EYS: variants seen among roughly 807,000 people sequenced by gnomAD.
The protein encoded by EYS is protein eyes shut homolog.
In EYS, 250 loss-of-function variants were observed where a neutral mutation model predicts 282.1. The ratio of observed to expected loss-of-function variants is 0.89; its 90% CI spans 0.80 to 0.98. The LOEUF (loss-of-function observed/expected upper bound fraction) is 0.98, where lower values mean the gene tolerates loss of function less well. EYS is among the 50% of genes least tolerant of loss of function. EYS has a pLI of 0.00. For synonymous variants in EYS, 1,355 were observed against 1,282.9 expected (o/e 1.06, Z -1.20); for missense variants, 4,016 against 3,709.0 (o/e 1.08, Z -2.15).
intron 26 of EYS, among the ~76,000 whole-genome samples, chr6:64,463,109 G>C (rs541622555): frequency 2.6e-5 from 4 of 151,886 alleles, no homozygotes; most frequent in African/African-American, 7.2e-5. Flanking sequence ...ACCACGCCCG[G>C]CTATTTATTT....
At chr6:65,501,384 A>G (rs1766444190) in intron 2 of EYS, among the ~76,000 whole-genome samples, 1 of 151,942 alleles carries the variant, frequency 6.6e-6, no homozygotes, top group South Asian at 2.1e-4. Flanking sequence ...CAACTCTTTT[A>G]AGATCATATT....
rs546651831 is a variant in EYS, at chr6:65,432,117, A to C, written c.863-26750T>G. ...TAAGATAAATATTACTCATATTTGT[A>C]GATAGAACATTAGAGGATTGTTGCT... On this transcript the variant is annotated intron_variant, in intron 5 of 42. Coordinates refer to ENST00000503581, the MANE Select transcript of EYS (RefSeq NM_001142800.2). Among the ~76,000 whole-genome samples the C allele has an allele frequency of 4.6e-5, 7 of 152,310 alleles. No homozygotes were observed. In the East Asian group the frequency reaches 1.4e-3, roughly 29 times the overall value.
At chr6:65,650,434 C>T (rs1365066292) in intron 1 of EYS, among the ~76,000 whole-genome samples, 1 of 152,056 alleles carries the variant, frequency 6.6e-6, no homozygotes, top group Non-Finnish European at 1.5e-5. Flanking sequence ...AACACAGTAG[C>T]CATATATTTA....
At chr6:65,270,693 CAATT>C (rs985079588) in intron 12 of EYS, among the ~76,000 whole-genome samples, 3 of 151,956 alleles carry the variant, frequency 2.0e-5, no homozygotes, top group Admixed American at 6.6e-5. Context: ...GAAGTTTCTT[CAATT>C]AAATATTAAT....
chr6:64,487,409 A>G (rs888527299), intron 26 of EYS, among the ~76,000 whole-genome samples: 2 of 151,120 alleles, frequency 1.3e-5, no homozygotes, highest in Non-Finnish European at 1.5e-5. Context: ...ATAATACCAT[A>G]GAAAACTAAA....
intron 14 of EYS, among the ~76,000 whole-genome samples, chr6:64,953,337 GA>G (rs1769576827): frequency 6.6e-6 from 1 of 151,538 alleles, no homozygotes; most frequent in South Asian, 2.1e-4. Flanking sequence ...TGTAACTCTT[GA>G]AAGAAGGACA....
At chr6:64,717,417 G>A (rs182532744) in intron 22 of EYS, among the ~76,000 whole-genome samples, 1 of 152,332 alleles carries the variant, frequency 6.6e-6, no homozygotes, top group East Asian at 1.9e-4. Flanking sequence ...GGAGCTTGCA[G>A]CTTAGGTCCC....
At chr6:65,210,606 G>GA (rs1010287847) in intron 12 of EYS, among the ~76,000 whole-genome samples, 7 of 151,934 alleles carry the variant, frequency 4.6e-5, no homozygotes, top group African/African-American at 1.4e-4. Context: ...CTTGGAAGGG[G>GA]ACAGCAGCGT....
At chr6:64,424,285 G>T (rs1301083870) in intron 28 of EYS, among the ~76,000 whole-genome samples, 2 of 152,082 alleles carry the variant, frequency 1.3e-5, no homozygotes, top group African/African-American at 2.4e-5. Context: ...ATAGGCATCT[G>T]TTTAAAAACA....
At chr6:63,897,236 T>C (rs867473176) in intron 35 of EYS, among the ~76,000 whole-genome samples, 1 of 152,210 alleles carries the variant, frequency 6.6e-6, no homozygotes, top group African/African-American at 2.4e-5. Context: ...AAAACATGTA[T>C]TGAGGCATGT....
intron 5 of EYS, among the ~76,000 whole-genome samples, chr6:65,466,782 T>A (rs537870566): frequency 6.6e-6 from 1 of 152,134 alleles, no homozygotes; most frequent in Admixed American, 6.6e-5. Context: ...GAGGCCACCA[T>A]CCAGAAGAGA....
At chr6:65,649,556 C>T (rs560652103) in intron 1 of EYS, among the ~76,000 whole-genome samples, 78 of 152,160 alleles carry the variant, frequency 5.1e-4, no homozygotes, top group South Asian at 8.3e-4. Flanking sequence ...ATGCCAGAAA[C>T]GAGGATTGAA....
At chr6:64,795,216 C>T (rs1032245767) in intron 22 of EYS, among the ~76,000 whole-genome samples, 3 of 140,766 alleles carry the variant, frequency 2.1e-5, no homozygotes, top group African/African-American at 5.2e-5. Flanking sequence ...GCATGGGTAA[C>T]AAGAGCAAAA....
At chr6:64,730,454 G>T (rs2149951720) in intron 22 of EYS, among the ~76,000 whole-genome samples, 1 of 152,246 alleles carries the variant, frequency 6.6e-6, no homozygotes, top group East Asian at 1.9e-4. Context: ...ATATCTTGGA[G>T]AAGAGCACAA....
At chr6:64,299,568 C>A (rs1429372505) in intron 30 of EYS, among the ~76,000 whole-genome samples, 2 of 152,120 alleles carry the variant, frequency 1.3e-5, no homozygotes, top group African/African-American at 4.8e-5. Context: ...GTCATTGGTG[C>A]CTGCTTGGGA....
chr6:64,868,795 C>T (rs941460560), intron 19 of EYS, among the ~76,000 whole-genome samples: 1 of 151,378 alleles, frequency 6.6e-6, no homozygotes, highest in East Asian at 1.9e-4. Context: ...TACAAACAGG[C>T]CATCAGGTTA....
At chr6:65,553,761 T>A (rs3857534) in intron 2 of EYS, among the ~76,000 whole-genome samples, 1 of 151,828 alleles carries the variant, frequency 6.6e-6, no homozygotes, top group Non-Finnish European at 1.5e-5. Flanking sequence ...ACATGAGGTG[T>A]TCTGTACTCC....
At chr6:64,250,855 G>A (rs780233110) in intron 30 of EYS, among the ~76,000 whole-genome samples, 3 of 152,028 alleles carry the variant, frequency 2.0e-5, no homozygotes, top group Admixed American at 6.6e-5. Context: ...ATTTTTAGAC[G>A]TGTTGGCATA....
intron 1 of EYS, among the ~76,000 whole-genome samples, chr6:65,682,555 C>T (rs1445847278): frequency 2.0e-5 from 3 of 151,728 alleles, no homozygotes; most frequent in Admixed American, 2.0e-4. Flanking sequence ...ATTATTCAAT[C>T]ACATATTAGT....
Sources: gnomAD v4.1 joint callset for allele counts (sites outside exome capture counted in the v4.1 genomes callset) on GRCh38, gnomAD v4.1.1 for gene constraint, MANE v1.5 for transcripts, NCBI Gene and HGNC (gene_info 2026-07-23, HGNC 2026-07-21) for gene names.